Variants in SLC71A2 observed in about 807,000 individuals in gnomAD.
The protein encoded by SLC71A2 is hippocampus abundant transcript-like 1.
chr9:94,390,447 C>T, the SLC71A2 span, among the ~76,000 whole-genome samples: 8 of 150,484 alleles, frequency 5.3e-5, no homozygotes, highest in African/African-American at 1.7e-4. Flanking sequence ...GTAGCTGAGA[C>T]GTCATTTAGA....
the SLC71A2 span, among the ~76,000 whole-genome samples, chr9:94,408,062 T>C: frequency 5.3e-5 from 8 of 152,262 alleles, no homozygotes; most frequent in African/African-American, 1.9e-4. Flanking sequence ...TGTGCCTAAT[T>C]AGAAATTAAA....
the SLC71A2 span, among the ~76,000 whole-genome samples, chr9:94,425,643 T>C: frequency 6.6e-6 from 1 of 151,972 alleles, no homozygotes; most frequent in Non-Finnish European, 1.5e-5. Context: ...AGCAGTGATA[T>C]TAGGAGCAGT....
At chr9:94,455,013 T>C in the SLC71A2 span, among the ~76,000 whole-genome samples, 2 of 152,154 alleles carry the variant, frequency 1.3e-5, no homozygotes, top group African/African-American at 2.4e-5. Flanking sequence ...TTTTAGACGG[T>C]AGAGCTGGTC....
At chr9:94,417,853 ACCCCACC>A in the SLC71A2 span, among the ~76,000 whole-genome samples, 1,158 of 44,542 alleles carry the variant, frequency 0.026, no homozygotes, top group Non-Finnish European at 0.038. Flanking sequence ...GCAAGTTCCC[ACCCCACC>A]CCCCCCCCCC....
the SLC71A2 span, chr9:94,429,351 A>G: frequency 6.1e-6 from 9 of 1,473,342 alleles, no homozygotes; most frequent in Admixed American, 8.0e-5. Context: ...AACAAATACT[A>G]TTTGTTCTGG....
At chr9:94,452,628 TATATTTTC>T in the SLC71A2 span, among the ~76,000 whole-genome samples, 10 of 98,962 alleles carry the variant, frequency 1.0e-4, no homozygotes, top group African/African-American at 2.8e-4. Context: ...TATATATATA[TATATTTTC>T]ATATATATAT....
chr9:94,460,497 C>CTGAG, the SLC71A2 span: 22,686 of 152,480 alleles, frequency 0.15, 1,771 homozygotes, highest in Middle Eastern at 0.25. Context: ...TTTTATGAAG[C>CTGAG]TGAGTTTCAC....
chr9:94,443,384 G>A, the SLC71A2 span, among the ~76,000 whole-genome samples: 2 of 152,126 alleles, frequency 1.3e-5, no homozygotes, highest in African/African-American at 2.4e-5. Flanking sequence ...ATTACAGAAC[G>A]TGTCAGTCAA....
At chr9:94,424,616 A>G in the SLC71A2 span, among the ~76,000 whole-genome samples, 2 of 151,148 alleles carry the variant, frequency 1.3e-5, no homozygotes, top group Non-Finnish European at 2.9e-5. Context: ...GTCTGTATAT[A>G]TATATTTTAT....
chr9:94,416,565 C>G, the SLC71A2 span, among the ~76,000 whole-genome samples: 1 of 152,072 alleles, frequency 6.6e-6, no homozygotes, highest in South Asian at 2.1e-4. Flanking sequence ...AGTTAAAATA[C>G]AGTTTGAGGC....
chr9:94,443,101 C>T, the SLC71A2 span, among the ~76,000 whole-genome samples: 1 of 152,092 alleles, frequency 6.6e-6, no homozygotes, highest in African/African-American at 2.4e-5. Flanking sequence ...TTGTGCTGAG[C>T]AGTAGTGCTT....
At chr9:94,411,929 G>GT in the SLC71A2 span, among the ~76,000 whole-genome samples, 4 of 152,148 alleles carry the variant, frequency 2.6e-5, no homozygotes, top group Admixed American at 6.5e-5. Flanking sequence ...TTAGCTTTGT[G>GT]CATATGGCAC....
the SLC71A2 span, among the ~76,000 whole-genome samples, chr9:94,414,157 T>G: frequency 1.3e-5 from 2 of 152,224 alleles, no homozygotes; most frequent in Non-Finnish European, 1.5e-5. Context: ...GAGAGCAATT[T>G]GTAGCTCTTT....
At chr9:94,418,102 C>T in the SLC71A2 span, among the ~76,000 whole-genome samples, 2 of 152,090 alleles carry the variant, frequency 1.3e-5, no homozygotes, top group Admixed American at 1.3e-4. Context: ...ACCTCCTGAT[C>T]CGCCCGCCTC....
chr9:94,455,490 C>T, the SLC71A2 span, among the ~76,000 whole-genome samples: 1 of 147,944 alleles, frequency 6.8e-6, no homozygotes, highest in African/African-American at 2.5e-5. Flanking sequence ...GCTAGGATTA[C>T]AGTCATGAGC....
chr9:94,390,869 C>T, the SLC71A2 span, among the ~76,000 whole-genome samples: 4 of 152,154 alleles, frequency 2.6e-5, no homozygotes, highest in African/African-American at 9.6e-5. Context: ...AATTCAAAGG[C>T]TGCCTGTGTA....
chr9:94,408,020 T>C, the SLC71A2 span, among the ~76,000 whole-genome samples: 10 of 152,252 alleles, frequency 6.6e-5, no homozygotes, highest in Non-Finnish European at 1.3e-4. Flanking sequence ...AGCCCTTATT[T>C]TATTTAATAA....
chr9:94,404,497 T>A, the SLC71A2 span, among the ~76,000 whole-genome samples: 1 of 152,076 alleles, frequency 6.6e-6, no homozygotes. Flanking sequence ...GGTTTCACCA[T>A]GTTGGCCAGG....
At chr9:94,398,460 A>T in the SLC71A2 span, among the ~76,000 whole-genome samples, 8 of 152,166 alleles carry the variant, frequency 5.3e-5, no homozygotes, top group Non-Finnish European at 8.8e-5. Flanking sequence ...CATCTTAATG[A>T]TTAACAACTT....
Sources: allele counts gnomAD v4.1 joint callset (sites outside exome capture counted in the v4.1 genomes callset), GRCh38; gene constraint gnomAD v4.1.1; transcripts MANE v1.5; gene names NCBI Gene and HGNC (gene_info 2026-07-23, HGNC 2026-07-21).